Variants in SEMA6A observed in about 807,000 individuals in gnomAD.
SEMA6A encodes semaphorin-6A.
SEMA6A carries 25 observed loss-of-function variants against 96.8 expected under a neutral mutation model. The ratio of observed to expected loss-of-function variants is 0.26; its 90% CI spans 0.19 to 0.36. The LOEUF (loss-of-function observed/expected upper bound fraction) is 0.36, where lower values mean the gene tolerates loss of function less well. SEMA6A is among the 10% of genes least tolerant of loss of function. SEMA6A has a pLI of 1.00. For synonymous variants in SEMA6A, 612 were observed against 518.0 expected (o/e 1.18, Z -2.46); for missense variants, 1,363 against 1,323.1 (o/e 1.03, Z -0.47).
chr5:116,458,529 C>G (rs764507419), intron 18 of SEMA6A, among the ~76,000 whole-genome samples: 6 of 151,542 alleles, frequency 4.0e-5, no homozygotes, highest in Non-Finnish European at 7.4e-5. Flanking sequence ...TTTTTAATAC[C>G]CTAAGGTTTA....
Position 116,502,218 on chromosome 5 carries a change from A to C in SEMA6A, c.210T>G (p.Ile70Met). The C allele has an allele frequency of 6.2e-7, 1 of 1,613,742 alleles. No homozygotes were observed. The highest frequency in any genetic ancestry group is 1.1e-5 in the South Asian group (1 of 91,074). ...GGGAAAAGGCCCCTTACCTAGCAGC[A>C]ATGTAGAGGGTTCCGTTCATGATCA... is the stretch of plus-strand genomic sequence containing the variant. The part of the protein sequence containing the change: ...MIMIMNGTLY[I>M]AARDHIYTVD... The change falls in exon 3 of 19, where the codon ATT becomes ATG. Residue 70 changes from isoleucine (I) to methionine (M), a missense_variant. Around this residue, in one of 2 missense-constraint regions of SEMA6A, gnomAD observed 480 missense variants for 559.5 expected, o/e 0.86. Coordinates refer to ENST00000343348, the MANE Select transcript of SEMA6A (RefSeq NM_020796.5).
intron 1 of SEMA6A, among the ~76,000 whole-genome samples, chr5:116,505,443 A>G (rs1462856526): frequency 2.2e-5 from 3 of 134,240 alleles, no homozygotes; most frequent in African/African-American, 9.0e-5. Context: ...ACACAGGTAC[A>G]CAGACACACG....
intron 1 of SEMA6A, among the ~76,000 whole-genome samples, chr5:116,512,201 G>T (rs185419185): frequency 1.6e-3 from 239 of 152,280 alleles, no homozygotes; most frequent in African/African-American, 5.3e-3. Context: ...ATCGTAATTA[G>T]AAACAACCTG....
At chr5:116,480,991 C>G (rs1171832555) in intron 11 of SEMA6A, among the ~76,000 whole-genome samples, 1 of 152,152 alleles carries the variant, frequency 6.6e-6, no homozygotes, top group Admixed American at 6.5e-5. Context: ...TGAAACCCAT[C>G]TTGTCCAGAC....
chr5:116,549,596 A>G (rs979563675), intron 1 of SEMA6A, among the ~76,000 whole-genome samples: 1 of 152,222 alleles, frequency 6.6e-6, no homozygotes, highest in South Asian at 2.1e-4. Context: ...AAGACATGAA[A>G]TAAGAATAAT....
intron 1 of SEMA6A, among the ~76,000 whole-genome samples, chr5:116,556,351 C>A (rs545766114): frequency 2.6e-5 from 4 of 152,278 alleles, no homozygotes; most frequent in Middle Eastern, 3.4e-3. Context: ...TCCTCATCAT[C>A]TTTTTAGTTT....
rs1373879489 is a variant in SEMA6A, at chr5:116,467,652, G to C, written c.1825C>G (p.Leu609Val). Reference protein sequence around the residue: ...SRGGMLDWKHLLDSPDSTDPL... With the variant: ...SRGGMLDWKHVLDSPDSTDPL... ...TCTGTGCTGTCAGGTGAGTCAAGCA[G>C]ATGCTTCCAGTCCAGCATTCCTCCC... Residue 609 changes from leucine (L) to valine (V), a missense_variant, in exon 18 of 19, where the codon CTG becomes GTG. Transcript: ENST00000343348. 1 of 1,613,678 alleles carries C rather than the reference G, an allele frequency of 6.2e-7. No individual in the cohort carries two copies. Among genetic ancestry groups the C allele is most frequent in the Non-Finnish European group, 8.5e-7 (1 of 1,179,818 alleles).
At chr5:116,565,064 T>G (rs986453885) in intron 1 of SEMA6A, among the ~76,000 whole-genome samples, 5 of 152,236 alleles carry the variant, frequency 3.3e-5, no homozygotes, top group South Asian at 2.1e-4. Flanking sequence ...ATAGTCTTAA[T>G]GAAGAGTTTG....
At position 116,488,092 on chromosome 5, in the gene SEMA6A, C is replaced by T. The variant is rs777121872; in HGVS notation, c.744+16G>A. 9 of 1,528,480 alleles carry T rather than the reference C, an allele frequency of 5.9e-6. No homozygotes were observed. The South Asian group carries it at 6.9e-5, about 12-fold the overall frequency. The allele number at this position is 1,528,480 out of a possible 1,614,324, so 94.7% of individuals were successfully genotyped here. ...AAAATGTTACAAACTGAGCCAAGGA[C>T]AGCATCCCCTCTTACCTTTCCCATG... On this transcript the variant is annotated intron_variant, in intron 9 of 18. Coordinates refer to ENST00000343348, the MANE Select transcript of SEMA6A (RefSeq NM_020796.5).
chr5:116,505,397 C>T (rs1758096356), intron 1 of SEMA6A, among the ~76,000 whole-genome samples: 1 of 151,932 alleles, frequency 6.6e-6, no homozygotes, highest in South Asian at 2.1e-4. Context: ...GCCATACTGA[C>T]CTAAATGACA....
At chr5:116,516,515 A>T (rs1309837759) in intron 1 of SEMA6A, among the ~76,000 whole-genome samples, 2 of 152,116 alleles carry the variant, frequency 1.3e-5, no homozygotes. Context: ...AATTACTAAT[A>T]TCTTTATTGG....
At chr5:116,560,628 T>A (rs947037801) in intron 1 of SEMA6A, among the ~76,000 whole-genome samples, 3 of 152,056 alleles carry the variant, frequency 2.0e-5, no homozygotes, top group Non-Finnish European at 4.4e-5. Context: ...AGTATCTAAT[T>A]CAACCTTCTG....
At chr5:116,561,609 A>G (rs1281721433) in intron 1 of SEMA6A, among the ~76,000 whole-genome samples, 2 of 152,264 alleles carry the variant, frequency 1.3e-5, no homozygotes, top group Non-Finnish European at 2.9e-5. Flanking sequence ...TTCAATAACA[A>G]TGTGATAATG....
At chr5:116,511,560 C>A (rs1758402815) in intron 1 of SEMA6A, among the ~76,000 whole-genome samples, 1 of 152,166 alleles carries the variant, frequency 6.6e-6, no homozygotes, top group Admixed American at 6.5e-5. Flanking sequence ...CACTTAAGTT[C>A]ATATATAGGC....
chr5:116,457,577 A>G lies in SEMA6A; in HGVS notation c.1895-9766T>C, dbSNP rs534825145. On this transcript the variant is annotated intron_variant, in intron 18 of 18. Transcript: ENST00000343348. ...TAAAAATGAATCTCTTTACAAAGATAGTTGTCAGGCTGTAGACTTATAAGA... is the reference window on the plus strand; with the variant it reads ...TAAAAATGAATCTCTTTACAAAGATGGTTGTCAGGCTGTAGACTTATAAGA... 2.6e-5 allele frequency among the ~76,000 whole-genome samples: 4 copies of G among 152,326 alleles called. No individual in the cohort carries two copies. The South Asian group carries it at 6.2e-4, about 24-fold the overall frequency.
At chr5:116,530,577 G>GA (rs956991892) in intron 1 of SEMA6A, among the ~76,000 whole-genome samples, 3 of 151,900 alleles carry the variant, frequency 2.0e-5, no homozygotes, top group Non-Finnish European at 2.9e-5. Flanking sequence ...TTTTTTAAGA[G>GA]AAAAAAATAT....
At chr5:116,462,926 C>G (rs1365681928) in intron 18 of SEMA6A, among the ~76,000 whole-genome samples, 1 of 152,054 alleles carries the variant, frequency 6.6e-6, no homozygotes, top group Non-Finnish European at 1.5e-5. Context: ...GCATTATTTA[C>G]TTAATATTCT....
chr5:116,547,458 A>C (rs1229738068), intron 1 of SEMA6A, among the ~76,000 whole-genome samples: 2 of 152,184 alleles, frequency 1.3e-5, no homozygotes, highest in Non-Finnish European at 2.9e-5. Flanking sequence ...TGTGTTGTAG[A>C]AAATAAGTGG....
chr5:116,510,306 CTCA>C (rs1758347714), intron 1 of SEMA6A, among the ~76,000 whole-genome samples: 1 of 151,932 alleles, frequency 6.6e-6, no homozygotes, highest in African/African-American at 2.4e-5. Context: ...ATTTTTGGAC[CTCA>C]TCATCTTTGT....
Sources: allele counts gnomAD v4.1 joint callset (sites outside exome capture counted in the v4.1 genomes callset), GRCh38; gene constraint gnomAD v4.1.1; regional missense constraint gnomAD v4.1.1; transcripts MANE v1.5; gene names NCBI Gene and HGNC (gene_info 2026-07-23, HGNC 2026-07-21).